Variants in TENM3 observed in about 807,000 individuals in gnomAD.
The protein encoded by TENM3 is teneurin-3.
In TENM3, 63 loss-of-function variants were observed where a neutral mutation model predicts 255.1. The ratio of observed to expected loss-of-function variants is 0.25; its 90% CI spans 0.20 to 0.30. The LOEUF is 0.30. Among genes scored for constraint, TENM3 ranks in the 10% least tolerant of loss-of-function variants. The pLI, the probability that TENM3 is intolerant of heterozygous loss-of-function variation, is 1.00. For missense variants in TENM3, 2,929 were observed against 3,461.1 expected, an observed-to-expected ratio of 0.85 and a Z score of 3.86; for synonymous variants, 1,306 against 1,322.3, an observed-to-expected ratio of 0.99 and a Z score of 0.27.
At chr4:182,441,111 A>G (rs1459452476) in intron 3 of TENM3, among the ~76,000 whole-genome samples, 1 of 152,212 alleles carries the variant, frequency 6.6e-6, no homozygotes, top group Non-Finnish European at 1.5e-5. Context: ...AGACTGGATT[A>G]TATCTGAGAG....
chr4:182,706,469 C>G (rs1209419662), intron 12 of TENM3, among the ~76,000 whole-genome samples: 2 of 152,216 alleles, frequency 1.3e-5, no homozygotes, highest in Non-Finnish European at 2.9e-5. Flanking sequence ...GGGAGAGGAA[C>G]AGATGGGTGA....
chr4:182,763,802 C>A (rs1362175377), intron 22 of TENM3, among the ~76,000 whole-genome samples: 1 of 152,126 alleles, frequency 6.6e-6, no homozygotes, highest in Non-Finnish European at 1.5e-5. Flanking sequence ...ACCTTTAAAC[C>A]CTCAAGGAAG....
At chr4:181,605,384 C>G in the TENM3 span, among the ~76,000 whole-genome samples, 1 of 149,928 alleles carries the variant, frequency 6.7e-6, no homozygotes, top group Non-Finnish European at 1.5e-5. Flanking sequence ...GCGGAGGTTG[C>G]AGTGAGCTGA....
chr4:182,434,220 A>G (rs1406072357), intron 3 of TENM3, among the ~76,000 whole-genome samples: 4 of 152,208 alleles, frequency 2.6e-5, no homozygotes, highest in African/African-American at 7.2e-5. Context: ...CTCATTGAAC[A>G]TGGTGAGGAC....
chr4:182,298,072 C>G (rs1222815566), intron 1 of TENM3, among the ~76,000 whole-genome samples: 5 of 152,208 alleles, frequency 3.3e-5, no homozygotes, highest in Non-Finnish European at 5.9e-5. Context: ...AGCATCATCC[C>G]CATCCCGGCA....
chr4:182,469,496 C>G (rs1272939487), intron 3 of TENM3, among the ~76,000 whole-genome samples: 2 of 152,116 alleles, frequency 1.3e-5, no homozygotes, highest in Non-Finnish European at 1.5e-5. Flanking sequence ...AGGCATATCA[C>G]TTGAGGTCAG....
chr4:182,670,199 A>C (rs1755084346), intron 6 of TENM3, among the ~76,000 whole-genome samples: 1 of 152,198 alleles, frequency 6.6e-6, no homozygotes, highest in Non-Finnish European at 1.5e-5. Flanking sequence ...TTGTAAAATA[A>C]ATACTTTGAA....
chr4:182,742,962 A>G, intron 18 of TENM3, among the ~76,000 whole-genome samples: 1 of 152,212 alleles, frequency 6.6e-6, no homozygotes, highest in East Asian at 1.9e-4. Flanking sequence ...AGTAGACAGC[A>G]CTGTTGGTAT....
intron 19 of TENM3, chr4:182,744,093 C>CTTTTTTTTTTTTTTTTTTTTTTTTTTTTT (rs957977132): frequency 2.6e-6 from 1 of 389,972 alleles, no homozygotes; most frequent in Non-Finnish European, 3.1e-6. Flanking sequence ...ACTGTGCTTT[C>CTTTTTTTTTTTTTTTTTTTTTTTTTTTTT]TTTTTTTTTT....
chr4:182,362,462 A>T (rs1256240571), intron 3 of TENM3, among the ~76,000 whole-genome samples: 1 of 151,908 alleles, frequency 6.6e-6, no homozygotes, highest in African/African-American at 2.4e-5. Context: ...GCCACCTTGC[A>T]GTTTGATCTC....
the TENM3 span, among the ~76,000 whole-genome samples, chr4:181,521,710 G>C: frequency 6.6e-6 from 1 of 151,988 alleles, no homozygotes; most frequent in Non-Finnish European, 1.5e-5. Flanking sequence ...GCCATGCTTT[G>C]CTTGCAATTC....
chr4:182,235,709 G>A (rs1756855620), intron 1 of TENM3, among the ~76,000 whole-genome samples: 1 of 151,892 alleles, frequency 6.6e-6, no homozygotes, highest in African/African-American at 2.4e-5. Context: ...ACACACACAC[G>A]AGCCATCTCT....
chr4:182,737,086 T>C lies in TENM3; in HGVS notation c.3235+11T>C. Reference sequence around the variant, plus strand: ...TATCTGAAGCTGTTGGTAAGTTCCATATAAATCTTTGCTGCAGTGAAGTTT... The same window carrying C: ...TATCTGAAGCTGTTGGTAAGTTCCACATAAATCTTTGCTGCAGTGAAGTTT... On this transcript the variant is annotated intron_variant, in intron 17 of 27. Coordinates refer to ENST00000511685, the MANE Select transcript of TENM3 (RefSeq NM_001080477.4). 6.2e-7 allele frequency: 1 copy of C among 1,603,966 alleles called. No individual in the cohort carries two copies. Among genetic ancestry groups the C allele is most frequent in the Admixed American group, 1.7e-5 (1 of 58,286 alleles).
At chr4:182,594,321 C>T (rs964455966) in intron 3 of TENM3, among the ~76,000 whole-genome samples, 4 of 151,958 alleles carry the variant, frequency 2.6e-5, no homozygotes, top group Non-Finnish European at 4.4e-5. Context: ...CATTTCTGAT[C>T]GTAATTTTTC....
At chr4:182,102,826 G>A in the TENM3 span, among the ~76,000 whole-genome samples, 3 of 152,068 alleles carry the variant, frequency 2.0e-5, no homozygotes, top group Admixed American at 6.6e-5. Context: ...TTATCTCCCA[G>A]GGTTAGTGGG....
the TENM3 span, among the ~76,000 whole-genome samples, chr4:181,643,464 T>C: frequency 2.0e-3 from 304 of 152,338 alleles, 3 homozygotes; most frequent in Middle Eastern, 6.8e-3. Flanking sequence ...CCTCTTTTCC[T>C]ATTTGAATAC....
upstream of TENM3, among the ~76,000 whole-genome samples, chr4:182,240,762 G>A (rs1757200385): frequency 6.6e-6 from 1 of 152,132 alleles, no homozygotes. Context: ...TCCACCCAGA[G>A]AGCCTGGAGC....
chr4:182,483,876 C>T (rs1179218772), intron 3 of TENM3, among the ~76,000 whole-genome samples: 1 of 152,010 alleles, frequency 6.6e-6, no homozygotes, highest in Non-Finnish European at 1.5e-5. Flanking sequence ...CCATTCTTAA[C>T]CAGATCTCGC....
intron 1 of TENM3, among the ~76,000 whole-genome samples, chr4:182,270,130 T>A (rs1579967525): frequency 6.6e-6 from 1 of 152,302 alleles, no homozygotes; most frequent in East Asian, 1.9e-4. Context: ...TAGGTTCTTG[T>A]TATGTAGACG....
Sources: gnomAD v4.1 joint callset for allele counts (sites outside exome capture counted in the v4.1 genomes callset) on GRCh38, gnomAD v4.1.1 for gene constraint, MANE v1.5 for transcripts, NCBI Gene and HGNC (gene_info 2026-07-23, HGNC 2026-07-21) for gene names.